The following MGAM2 variants were observed in gnomAD, a reference collection of about 807,000 sequenced individuals.
The protein encoded by MGAM2 is maltase-glucoamylase 2 (putative).
MGAM2 carries 98 observed loss-of-function variants against 96.1 expected under a neutral mutation model. The observed-to-expected ratio is 1.02, with a 90% CI of 0.87 to 1.21. MGAM2 has a LOEUF of 1.21. Among genes scored for constraint, MGAM2 ranks in the 50% most tolerant of loss-of-function variants. The pLI is 0.00. For missense variants in MGAM2, 2,055 were observed against 1,182.4 expected, an observed-to-expected ratio of 1.74 and a Z score of -10.82; for synonymous variants, 749 against 414.8, an observed-to-expected ratio of 1.81 and a Z score of -9.79.
chr7:142,172,831 C>G, intron 30 of MGAM2, 67 bp downstream of exon 30: 1 of 628,740 alleles, frequency 1.6e-6, no homozygotes, highest in Admixed American at 2.6e-5. Flanking sequence ...ATTATTAGCA[C>G]TGAGATAGGG....
intron 46 of MGAM2, among the ~76,000 whole-genome samples, chr7:142,214,288 G>GTAT (rs1797679535): frequency 6.6e-6 from 1 of 152,166 alleles, no homozygotes; most frequent in Non-Finnish European, 1.5e-5. Flanking sequence ...ATTCAGCATA[G>GTAT]TATTGGAAGT....
chr7:142,166,726 A>G (rs1257874040), intron 25 of MGAM2, among the ~76,000 whole-genome samples: 1 of 152,162 alleles, frequency 6.6e-6, no homozygotes, highest in Non-Finnish European at 1.5e-5. Flanking sequence ...GTGCTCTGTC[A>G]CGGTTCACTC....
intron 7 of MGAM2, 94 bp downstream of exon 7, chr7:142,134,246 T>C: frequency 3.3e-6 from 2 of 606,048 alleles, no homozygotes; most frequent in Non-Finnish European, 6.0e-6. Flanking sequence ...TATTTTACTT[T>C]GCTCACTTTA....
intron 14 of MGAM2, among the ~76,000 whole-genome samples, chr7:142,146,271 G>T (rs1017640173): frequency 6.7e-6 from 1 of 150,266 alleles, no homozygotes; most frequent in Non-Finnish European, 1.5e-5. Flanking sequence ...TGGTGGACAC[G>T]GCCACTTTTG....
At chr7:142,204,104 T>C (rs1797324991) in intron 45 of MGAM2, among the ~76,000 whole-genome samples, 1 of 152,036 alleles carries the variant, frequency 6.6e-6, no homozygotes, top group South Asian at 2.1e-4. Context: ...CTTACCTACT[T>C]ATCTACCTAT....
Position 142,220,164 on chromosome 7 carries a change from C to T in MGAM2, c.5653C>T (p.Pro1885Ser). 1.4e-6 allele frequency: 1 copy of T among 702,902 alleles called. No homozygotes were observed. Among genetic ancestry groups the T allele is most frequent in the South Asian group, 1.5e-5 (1 of 67,606 alleles). The allele number at this position is 702,902 out of a possible 1,614,324, so 43.5% of individuals were successfully genotyped here. A position where few individuals can be genotyped will look rare whatever the true frequency, so the allele number is the denominator to read the frequency against. ...TTVPDTTSPF[P>S]TSTTNASTNA... ...TGTTCCTGATACAACTTCTCCTTTC[C>T]CTACAAGTACTACTAATGCTAGCAC... The change falls in exon 48 of 48, where the codon CCT becomes TCT. Residue 1885 changes from proline to serine, a missense_variant. Physicochemically the swap from Pro to Ser is moderately conservative, Grantham distance 74 (BLOSUM62 -1). Transcript: ENST00000477922.
chr7:142,220,909 G>A lies in MGAM2; in HGVS notation c.6398G>A (p.Ser2133Asn). Residue 2133 changes from serine (S) to asparagine (N), a missense_variant, in exon 48 of 48, where the codon AGC becomes AAC. Physicochemically the swap from Ser to Asn is conservative, Grantham distance 46. Transcript: ENST00000477922. ...TCTCTAACAGGTACTACTGATGTTA[G>A]CACTAGTACTACTATTAATAATATA... ...TSSLTGTTDV[S>N]TSTTINNIST... 8.5e-6 allele frequency: 6 copies of A among 701,894 alleles called. No homozygotes were observed. The highest frequency in any genetic ancestry group is 1.6e-5 in the Non-Finnish European group (6 of 384,704). The allele number at this position is 701,894 out of a possible 1,614,324, so 43.5% of individuals were successfully genotyped here.
At chr7:142,158,969 C>T (rs1011576341) in intron 19 of MGAM2, among the ~76,000 whole-genome samples, 3 of 152,154 alleles carry the variant, frequency 2.0e-5, no homozygotes, top group African/African-American at 7.2e-5. Context: ...ACCAGTGGCC[C>T]TGCTGGGAGG....
At position 142,175,654 on chromosome 7, in the gene MGAM2, C is replaced by A. The variant is rs996928364; in HGVS notation, c.3690C>A (p.Asp1230Glu). 1 of 702,616 alleles carries A rather than the reference C, an allele frequency of 1.4e-6. No individual in the cohort carries two copies. Among genetic ancestry groups the A allele is most frequent in the East Asian group, 2.7e-5 (1 of 37,268 alleles). 43.5% of individuals were successfully genotyped at this position (702,616 alleles called of 1,614,324 possible). ...AGCCTTGCTGCTTCTTTCTGCAGGA[C>A]GTCCAGCATGTAGACATCGATTACA... ...DAMVAAQIPY[D>E]VQHVDIDYMN... The change falls in exon 32 of 48, where the codon GAC (aspartate) becomes GAA (glutamate). Residue 1230 changes from aspartate (D) to glutamate (E), a missense_variant and splice_region_variant. By Grantham distance (45) the Asp-to-Glu change is conservative (BLOSUM62 2). Coordinates refer to ENST00000477922, the MANE Select transcript of MGAM2 (RefSeq NM_001293626.2).
chr7:142,181,466 T>C (rs1796540009), intron 32 of MGAM2, among the ~76,000 whole-genome samples: 1 of 152,208 alleles, frequency 6.6e-6, no homozygotes, highest in Non-Finnish European at 1.5e-5. Flanking sequence ...GCCTCTTTCA[T>C]ATTTCAGCAC....
At chr7:142,142,161 C>CCT (rs78453980) in intron 12 of MGAM2, among the ~76,000 whole-genome samples, 1 of 151,670 alleles carries the variant, frequency 6.6e-6, no homozygotes, top group African/African-American at 2.4e-5. Context: ...ATTCTATTTA[C>CCT]TTTTTTTTCA....
chr7:142,117,652 G>T (rs1817460293), intron 2 of MGAM2, among the ~76,000 whole-genome samples: 1 of 152,076 alleles, frequency 6.6e-6, no homozygotes, highest in Non-Finnish European at 1.5e-5. Context: ...AACCCTACCT[G>T]CTCCATCTCT....
intron 1 of MGAM2, among the ~76,000 whole-genome samples, chr7:142,114,926 T>C (rs932741373): frequency 2.0e-5 from 3 of 151,996 alleles, no homozygotes; most frequent in African/African-American, 7.2e-5. Flanking sequence ...GAAGGAACAA[T>C]TTTTTAAATT....
chr7:142,165,377 A>G (rs1239350661), intron 24 of MGAM2, among the ~76,000 whole-genome samples: 2 of 152,200 alleles, frequency 1.3e-5, no homozygotes, highest in Admixed American at 6.5e-5. Context: ...TCTTTGAGAA[A>G]CAGTTGATAT....
chr7:142,216,884 T>C (rs1041354309), intron 46 of MGAM2, among the ~76,000 whole-genome samples: 1 of 152,200 alleles, frequency 6.6e-6, no homozygotes, highest in Non-Finnish European at 1.5e-5. Flanking sequence ...TTATTGCATG[T>C]AATCTTCAAA....
Position 142,154,099 on chromosome 7 carries a change from T to A in MGAM2, c.1716T>A (p.Ala572=). 1 of 695,954 alleles carries A rather than the reference T, an allele frequency of 1.4e-6. No homozygotes were observed. Among genetic ancestry groups the A allele is most frequent in the Non-Finnish European group, 2.6e-6 (1 of 379,900 alleles). The allele number at this position is 695,954 out of a possible 1,614,324, so 43.1% of individuals were successfully genotyped here. Residue 572 remains alanine (A), a synonymous_variant, in exon 16 of 48, where the codon GCT becomes GCA. Transcript: ENST00000477922. ...TTGCTGGATCTGGCAAATTTGCTGC[T>A]CATTGGCTGGGGGACAATGCGGCCA... ...STFAGSGKFA[A]HWLGDNAATW...
rs763262701 is a variant in MGAM2 at position 142,154,192 on chromosome 7, G to T, written c.1806+3G>T. ...TCAACCTGTTTGGCATCCCCATGGT[G>T]AGCCTTATTTCCAACCAGGGAACTT... On this transcript the variant is annotated splice_donor_region_variant and intron_variant, in intron 16 of 47. Transcript: ENST00000477922. The T allele has an allele frequency of 5.6e-5, 34 of 605,032 alleles. No homozygotes were observed. Among genetic ancestry groups the T allele is most frequent in the Admixed American group, 1.6e-4 (7 of 43,492 alleles). The allele number at this position is 605,032 out of a possible 1,614,324, so 37.5% of individuals were successfully genotyped here.
At chr7:142,160,573 G>C (rs1031401023) in intron 21 of MGAM2, among the ~76,000 whole-genome samples, 1 of 151,848 alleles carries the variant, frequency 6.6e-6, no homozygotes, top group Admixed American at 6.6e-5. Flanking sequence ...TACCGTGTGA[G>C]AGAATTTGAG....
chr7:142,185,232 T>C, intron 34 of MGAM2, 93 bp downstream of exon 34: 1 of 644,584 alleles, frequency 1.6e-6, no homozygotes. Flanking sequence ...ACCCTTCAGT[T>C]AAGTAGCCCT....
Sources: gnomAD v4.1 joint callset for allele counts (sites outside exome capture counted in the v4.1 genomes callset) on GRCh38, gnomAD v4.1.1 for gene constraint, MANE v1.5 for transcripts, NCBI Gene and HGNC (gene_info 2026-07-23, HGNC 2026-07-21) for gene names.